The following NKAIN2 variants were observed in gnomAD, a reference collection of about 807,000 sequenced individuals.
NKAIN2 encodes the protein sodium/potassium transporting ATPase interacting 2.
Under a neutral mutation model 32.6 loss-of-function variants are expected in NKAIN2, and 14 were observed. That is an observed-to-expected ratio of 0.43 (90% CI 0.28 to 0.67). The LOEUF (loss-of-function observed/expected upper bound fraction) is 0.67, where lower values mean the gene tolerates loss of function less well. Ranked by LOEUF, NKAIN2 falls within the 30% of genes least tolerant of loss-of-function variation. The pLI is 0.17. For missense variants in NKAIN2, 198 were observed against 258.3 expected, an observed-to-expected ratio of 0.77 and a Z score of 1.60; for synonymous variants, 80 against 87.2, an observed-to-expected ratio of 0.92 and a Z score of 0.46.
At chr6:124,264,512 G>GA (rs531778437) in intron 1 of NKAIN2, among the ~76,000 whole-genome samples, 347 of 152,194 alleles carry the variant, frequency 2.3e-3, no homozygotes, top group African/African-American at 7.9e-3. Flanking sequence ...GTCTAATATA[G>GA]AAAAAATCTA....
chr6:124,502,997 T>C (rs1411302695), intron 3 of NKAIN2, among the ~76,000 whole-genome samples: 1 of 152,178 alleles, frequency 6.6e-6, no homozygotes, highest in Non-Finnish European at 1.5e-5. Flanking sequence ...AAAAATCACA[T>C]GGCATCATTT....
intron 1 of NKAIN2, among the ~76,000 whole-genome samples, chr6:123,839,263 A>G (rs1286668036): frequency 1.3e-5 from 2 of 152,176 alleles, no homozygotes; most frequent in Non-Finnish European, 2.9e-5. Context: ...ATTTCAGAGT[A>G]ACTTTTACAA....
chr6:124,223,963 A>G lies in NKAIN2; in HGVS notation c.55-59042A>G, dbSNP rs74512269. Among the ~76,000 whole-genome samples, 8 of 152,300 alleles carry G rather than the reference A, an allele frequency of 5.3e-5. No homozygotes were observed. In the South Asian group the frequency reaches 8.3e-4, roughly 16 times the overall value. ...ATGTTTAAAATGAGATGGTGCATGG[A>G]CAGGGTGTAGTTTGTTAGTCTAATT... On this transcript the variant is annotated intron_variant, in intron 1 of 6. Coordinates refer to ENST00000368417, the MANE Select transcript of NKAIN2 (RefSeq NM_001040214.3).
At chr6:124,198,853 G>A (rs868163728) in intron 1 of NKAIN2, among the ~76,000 whole-genome samples, 5 of 152,122 alleles carry the variant, frequency 3.3e-5, no homozygotes, top group African/African-American at 1.2e-4. Flanking sequence ...CAGGTCATTT[G>A]GTTGCATTAT....
chr6:124,125,380 C>A (rs1410647981), intron 1 of NKAIN2, among the ~76,000 whole-genome samples: 1 of 152,062 alleles, frequency 6.6e-6, no homozygotes, highest in African/African-American at 2.4e-5. Flanking sequence ...TTCTATAAAT[C>A]TCAAATTACT....
chr6:124,226,723 T>G (rs1792131386), intron 1 of NKAIN2, among the ~76,000 whole-genome samples: 1 of 152,140 alleles, frequency 6.6e-6, no homozygotes, highest in Admixed American at 6.6e-5. Context: ...AGCCAATCTC[T>G]TTACTTTTTT....
intron 1 of NKAIN2, among the ~76,000 whole-genome samples, chr6:124,155,554 A>C (rs1301382143): frequency 6.6e-6 from 1 of 151,978 alleles, no homozygotes; most frequent in East Asian, 1.9e-4. Flanking sequence ...TGAGAGTCTT[A>C]TTTAGGATAG....
At chr6:124,622,023 A>G (rs1202535991) in intron 3 of NKAIN2, among the ~76,000 whole-genome samples, 1 of 152,206 alleles carries the variant, frequency 6.6e-6, no homozygotes, top group Non-Finnish European at 1.5e-5. Flanking sequence ...ATAACAAATT[A>G]CCATGCACTT....
At chr6:124,533,448 G>A (rs1779599797) in intron 3 of NKAIN2, among the ~76,000 whole-genome samples, 1 of 112,760 alleles carries the variant, frequency 8.9e-6, no homozygotes, top group Admixed American at 1.2e-4. Context: ...CTCCAGCCTG[G>A]GTGACAGAGC....
At chr6:124,066,816 C>G (rs1168077349) in intron 1 of NKAIN2, among the ~76,000 whole-genome samples, 1 of 151,916 alleles carries the variant, frequency 6.6e-6, no homozygotes, top group African/African-American at 2.4e-5. Context: ...GATACTATCT[C>G]AAAACACATT....
chr6:124,104,073 C>T (rs186933099), intron 1 of NKAIN2, among the ~76,000 whole-genome samples: 24 of 151,902 alleles, frequency 1.6e-4, no homozygotes, highest in Non-Finnish European at 2.5e-4. Flanking sequence ...AGCGACAGAG[C>T]GAGACTCCAT....
chr6:123,999,227 G>T (rs552887375), intron 1 of NKAIN2, among the ~76,000 whole-genome samples: 21 of 152,200 alleles, frequency 1.4e-4, no homozygotes, highest in African/African-American at 4.6e-4. Flanking sequence ...AGGTAAAGTA[G>T]CCCTAGTGCC....
chr6:123,887,648 A>G (rs1447191506), intron 1 of NKAIN2, among the ~76,000 whole-genome samples: 3 of 152,154 alleles, frequency 2.0e-5, no homozygotes, highest in Non-Finnish European at 4.4e-5. Context: ...AAATTATAGA[A>G]TATTAGAGGA....
chr6:124,183,718 G>T (rs1251251197), intron 1 of NKAIN2, among the ~76,000 whole-genome samples: 3 of 152,020 alleles, frequency 2.0e-5, no homozygotes, highest in Non-Finnish European at 4.4e-5. Context: ...GTTTCATCTA[G>T]GAAATCTCAT....
At chr6:124,819,554 C>CGACT (rs1781308456) in intron 6 of NKAIN2, among the ~76,000 whole-genome samples, 1 of 152,138 alleles carries the variant, frequency 6.6e-6, no homozygotes, top group South Asian at 2.1e-4. Context: ...ATCCTCACAA[C>CGACT]GACTGCACTA....
intron 1 of NKAIN2, among the ~76,000 whole-genome samples, chr6:124,074,680 G>C (rs963165131): frequency 6.6e-6 from 1 of 152,114 alleles, no homozygotes; most frequent in Non-Finnish European, 1.5e-5. Flanking sequence ...CTAGTCTTTT[G>C]TCTTGAGCTA....
chr6:124,045,165 T>C (rs1210946851), intron 1 of NKAIN2, among the ~76,000 whole-genome samples: 2 of 151,874 alleles, frequency 1.3e-5, no homozygotes, highest in East Asian at 1.9e-4. Flanking sequence ...GGCTAAAATA[T>C]ATATCAATAT....
intron 1 of NKAIN2, among the ~76,000 whole-genome samples, chr6:123,943,988 A>T (rs943701646): frequency 3.3e-5 from 5 of 152,022 alleles, no homozygotes; most frequent in African/African-American, 1.2e-4. Context: ...GAAATTTTAG[A>T]TAAATATTAT....
intron 3 of NKAIN2, among the ~76,000 whole-genome samples, chr6:124,400,250 AT>A (rs111359669): frequency 0.014 from 2,099 of 151,680 alleles, 40 homozygotes; most frequent in African/African-American, 0.049. Flanking sequence ...TAGGCTATGG[AT>A]TTTTTTTTAA....
Sources: gnomAD v4.1 joint callset for allele counts (sites outside exome capture counted in the v4.1 genomes callset) on GRCh38, gnomAD v4.1.1 for gene constraint, MANE v1.5 for transcripts, NCBI Gene and HGNC (gene_info 2026-07-23, HGNC 2026-07-21) for gene names.